Variants in CCSER1 observed in about 807,000 individuals in gnomAD.
CCSER1 encodes the protein coiled-coil serine rich protein 1, also known as serine-rich coiled-coil domain-containing protein 1.
A neutral mutation model predicts 82.0 loss-of-function variants in CCSER1; 41 were observed. The observed-to-expected ratio is 0.50, with a 90% CI of 0.39 to 0.65. The LOEUF (loss-of-function observed/expected upper bound fraction) is 0.65. CCSER1 is among the 30% of genes least tolerant of loss of function. CCSER1 has a pLI of 0.00. For synonymous variants in CCSER1, 414 were observed against 383.9 expected (o/e 1.08, Z -0.92); for missense variants, 1,119 against 1,064.2 (o/e 1.05, Z -0.72).
intron 8 of CCSER1, 54 bp downstream of exon 8, chr4:90,815,899 G>T (rs1480192282): frequency 8.1e-6 from 10 of 1,240,390 alleles, no homozygotes; most frequent in Non-Finnish European, 1.1e-6. Flanking sequence ...AAGGTTATTT[G>T]TTCCACGCCC....
intron 8 of CCSER1, among the ~76,000 whole-genome samples, chr4:90,838,251 A>T (rs1018398908): frequency 6.6e-5 from 10 of 151,568 alleles, no homozygotes; most frequent in Non-Finnish European, 1.3e-4. Flanking sequence ...TCTTTATGGA[A>T]TTTTTTTATT....
At position 91,448,866 on chromosome 4, in the gene CCSER1, G is replaced by A. The variant is rs1232006630; in HGVS notation, c.2218-149706G>A. On this transcript the variant is annotated intron_variant, in intron 10 of 10. Coordinates refer to ENST00000509176, the MANE Select transcript of CCSER1 (RefSeq NM_001145065.2). ...AGAACTTGCATTCTAGTAGGGAGAG[G>A]CAGACAACAAAGGAATTACAAGTGA... is the stretch of plus-strand genomic sequence containing the variant. Among the ~76,000 whole-genome samples the A allele has an allele frequency of 2.0e-5, 3 of 152,062 alleles. No individual in the cohort carries two copies. The South Asian group carries it at 6.2e-4, about 31-fold the overall frequency.
In CCSER1 at chr4:91,024,334, A is replaced by C. The variant is rs538070578; in HGVS notation, c.2173-61616A>C. 2.0e-4 allele frequency among the ~76,000 whole-genome samples: 31 copies of C among 152,302 alleles called. 1 individual carries two copies. In the South Asian group the frequency reaches 6.4e-3, roughly 32 times the overall value. ...ATGTCTGTTGAAGCTAATAACAAAAACAGAAAACTATTCTGTATGTTTTTG... is the reference window on the plus strand; with the variant it reads ...ATGTCTGTTGAAGCTAATAACAAAACCAGAAAACTATTCTGTATGTTTTTG... On this transcript the variant is annotated intron_variant, in intron 9 of 10. Transcript: ENST00000509176.
chr4:91,169,638 A>T, intron 10 of CCSER1, among the ~76,000 whole-genome samples: 1 of 152,002 alleles, frequency 6.6e-6, no homozygotes, highest in African/African-American at 2.4e-5. Context: ...AAATAAGTAA[A>T]CTTGTATTTA....
At chr4:91,218,116 T>C (rs112409842) in intron 10 of CCSER1, among the ~76,000 whole-genome samples, 8,812 of 152,172 alleles carry the variant, frequency 0.058, 500 homozygotes, top group African/African-American at 0.15. Flanking sequence ...CCCTGCCCCG[T>C]GGGAAGGCAG....
At chr4:91,422,570 T>C (rs2149384616) in intron 10 of CCSER1, among the ~76,000 whole-genome samples, 1 of 152,340 alleles carries the variant, frequency 6.6e-6, no homozygotes, top group East Asian at 1.9e-4. Flanking sequence ...TATGAAATAC[T>C]CATTGTTTGA....
At chr4:90,469,524 A>AC (rs1764070832) in intron 5 of CCSER1, among the ~76,000 whole-genome samples, 39 of 136,426 alleles carry the variant, frequency 2.9e-4, no homozygotes, top group Admixed American at 8.1e-4. Context: ...TTTCCTGCAA[A>AC]ACACACACAC....
At chr4:90,891,414 A>G (rs1274632984) in intron 8 of CCSER1, among the ~76,000 whole-genome samples, 1 of 151,514 alleles carries the variant, frequency 6.6e-6, no homozygotes, top group Admixed American at 6.6e-5. Flanking sequence ...TTTTTATAGT[A>G]CTGGTAATAT....
intron 5 of CCSER1, among the ~76,000 whole-genome samples, chr4:90,490,208 G>A (rs1263437819): frequency 6.6e-6 from 1 of 152,032 alleles, no homozygotes; most frequent in Non-Finnish European, 1.5e-5. Context: ...TTTAATGATT[G>A]CCATTCTAAC....
intron 7 of CCSER1, among the ~76,000 whole-genome samples, chr4:90,743,222 T>TA (rs1327697816): frequency 6.6e-6 from 1 of 152,218 alleles, no homozygotes; most frequent in African/African-American, 2.4e-5. Context: ...AGCAGAAACT[T>TA]ACTTGTGTCC....
intron 3 of CCSER1, among the ~76,000 whole-genome samples, chr4:90,378,039 T>C (rs9996798): frequency 0.35 from 53,231 of 151,922 alleles, 9,672 homozygotes; most frequent in South Asian, 0.44. Context: ...CATTCATTAA[T>C]TCATTGCCTT....
At chr4:90,886,210 A>G (rs984856380) in intron 8 of CCSER1, among the ~76,000 whole-genome samples, 10 of 152,156 alleles carry the variant, frequency 6.6e-5, no homozygotes, top group Non-Finnish European at 1.0e-4. Flanking sequence ...AAAATTATGA[A>G]CTAGACAAAA....
At chr4:91,543,682 A>T (rs1180436819) in intron 10 of CCSER1, among the ~76,000 whole-genome samples, 5 of 152,168 alleles carry the variant, frequency 3.3e-5, no homozygotes, top group African/African-American at 1.2e-4. Context: ...TGTTAGCCTG[A>T]TAGGCTTCCT....
At chr4:91,387,234 T>C (rs943451526) in intron 10 of CCSER1, among the ~76,000 whole-genome samples, 2 of 151,932 alleles carry the variant, frequency 1.3e-5, no homozygotes, top group African/African-American at 4.8e-5. Flanking sequence ...AACATACCTT[T>C]ATAAAGAGAG....
chr4:90,550,213 C>CT (rs1347425982), intron 5 of CCSER1, among the ~76,000 whole-genome samples: 1 of 152,090 alleles, frequency 6.6e-6, no homozygotes, highest in East Asian at 1.9e-4. Flanking sequence ...GCGTGCTAAA[C>CT]TTTCTTTTTC....
intron 10 of CCSER1, among the ~76,000 whole-genome samples, chr4:91,348,947 C>A (rs1247686360): frequency 6.6e-6 from 1 of 151,936 alleles, no homozygotes; most frequent in Non-Finnish European, 1.5e-5. Flanking sequence ...CTCACTCTGC[C>A]CCCCAGGCTG....
chr4:90,182,032 A>T (rs1733822563), intron 1 of CCSER1, among the ~76,000 whole-genome samples: 2 of 152,134 alleles, frequency 1.3e-5, no homozygotes, highest in Admixed American at 6.6e-5. Context: ...GGGCACAGTT[A>T]ATTTGTGTGG....
intron 5 of CCSER1, among the ~76,000 whole-genome samples, chr4:90,515,163 T>G (rs1002994949): frequency 2.0e-5 from 3 of 152,194 alleles, no homozygotes; most frequent in African/African-American, 7.2e-5. Context: ...GCCACATAGT[T>G]AATTTCCATG....
chr4:91,595,453 C>T (rs1764518842), intron 10 of CCSER1, among the ~76,000 whole-genome samples: 1 of 151,988 alleles, frequency 6.6e-6, no homozygotes, highest in African/African-American at 2.4e-5. Context: ...TGATTAGGTT[C>T]TAAAAGATGA....
Sources: allele counts gnomAD v4.1 joint callset (sites outside exome capture counted in the v4.1 genomes callset), GRCh38; gene constraint gnomAD v4.1.1; transcripts MANE v1.5; gene names NCBI Gene and HGNC (gene_info 2026-07-23, HGNC 2026-07-21).